The following LRRC66 variants were observed in gnomAD, a reference collection of about 807,000 sequenced individuals.
The protein encoded by LRRC66 is leucine-rich repeat-containing protein 66.
LRRC66 carries 29 observed loss-of-function variants against 24.6 expected under a neutral mutation model. That is an observed-to-expected ratio of 1.18 (90% CI 0.88 to 1.61). The LOEUF (loss-of-function observed/expected upper bound fraction) is 1.61. LRRC66 is among the 40% of genes most tolerant of loss of function. The pLI is 0.00. For missense variants in LRRC66, 1,124 were observed against 1,058.0 expected (o/e 1.06, Z -0.87); for synonymous variants, 411 against 397.6 (o/e 1.03, Z -0.40).
chr4:51,995,031 G>A lies in LRRC66; in HGVS notation c.1991C>T (p.Thr664Ile), dbSNP rs1184169957. ...SEVPYGDPRD[T>I]GPSVFPPRWD... ...TCTTGGAGGAAAGACTGATGGGCCTGTGTCTCTTGGGTCACCGTATGGAAC... is the reference window on the plus strand; with the variant it reads ...TCTTGGAGGAAAGACTGATGGGCCTATGTCTCTTGGGTCACCGTATGGAAC... Residue 664 changes from threonine to isoleucine, a missense_variant, in exon 5 of 5, where the codon ACA becomes ATA. Coordinates refer to ENST00000682860, the MANE Select transcript of LRRC66 (RefSeq NM_001024611.3). 6.2e-6 allele frequency: 10 copies of A among 1,614,088 alleles called. No individual in the cohort carries two copies. The highest frequency in any genetic ancestry group is 8.5e-6 in the Non-Finnish European group (10 of 1,180,030).
intron 2 of LRRC66, among the ~76,000 whole-genome samples, chr4:52,005,648 T>A (rs1736563531): frequency 6.6e-6 from 1 of 151,830 alleles, no homozygotes; most frequent in Admixed American, 6.6e-5. Context: ...AGAAGACTTT[T>A]TTTTTTTTTG....
In LRRC66 at chr4:51,995,140, A is replaced by T. The variant is rs1685345262; in HGVS notation, c.1882T>A (p.Ser628Thr). The T allele has an allele frequency of 6.2e-7, 1 of 1,614,124 alleles. No homozygotes were observed. The highest frequency in any genetic ancestry group is 1.3e-5 in the African/African-American group (1 of 74,938). The change falls in exon 5 of 5, where the codon TCA (serine) becomes ACA (threonine). Residue 628 changes from serine to threonine, a missense_variant. Transcript: ENST00000682860. ...TGTATGCTCAGCAAATCAATGGATG[A>T]ACTCACTTGCCTTTCCTTAGAAAAT... is the stretch of plus-strand genomic sequence containing the variant. ...MEFSKERQVS[S>T]SIDLLSIQQP...
At chr4:52,004,539 G>A (rs1238594849) in intron 2 of LRRC66, among the ~76,000 whole-genome samples, 1 of 152,176 alleles carries the variant, frequency 6.6e-6, no homozygotes, top group Non-Finnish European at 1.5e-5. Context: ...TGAGAAGGAG[G>A]TGCCAGTCAT....
At chr4:52,015,331 A>G (rs897456822) in intron 2 of LRRC66, among the ~76,000 whole-genome samples, 10 of 149,344 alleles carry the variant, frequency 6.7e-5, no homozygotes, top group African/African-American at 1.5e-4. Flanking sequence ...GGTTTTGAAG[A>G]AAAAAAAAAG....
chr4:52,008,998 C>A (rs916668734), intron 2 of LRRC66, among the ~76,000 whole-genome samples: 4 of 152,010 alleles, frequency 2.6e-5, no homozygotes, highest in Non-Finnish European at 5.9e-5. Context: ...AATGGGAGAA[C>A]ACCATTGTAA....
At position 51,993,972 on chromosome 4, in the gene LRRC66, G is replaced by A; in HGVS notation, c.*407C>T. On this transcript the variant is annotated 3_prime_UTR_variant, in exon 5 of 5. Transcript: ENST00000682860. ...ATTGCTCCAGGTCTGTATTTGAGAA[G>A]GAAAGTTAGAACCACTTCGTCTAAC... 1 of 163,574 alleles carries A rather than the reference G, an allele frequency of 6.1e-6. No homozygotes were observed. The highest frequency in any genetic ancestry group is 1.3e-5 in the Non-Finnish European group (1 of 75,548). 10.1% of individuals were successfully genotyped at this position (163,574 alleles called of 1,614,324 possible). A position where few individuals can be genotyped will look rare whatever the true frequency, so the allele number is the denominator to read the frequency against.
At chr4:52,004,217 C>A (rs1258396516) in intron 2 of LRRC66, among the ~76,000 whole-genome samples, 1 of 152,122 alleles carries the variant, frequency 6.6e-6, no homozygotes, top group Non-Finnish European at 1.5e-5. Context: ...CCATGTTGGT[C>A]AGGTTGGTCT....
intron 2 of LRRC66, among the ~76,000 whole-genome samples, chr4:52,014,861 A>G (rs1036019474): frequency 1.3e-5 from 2 of 152,226 alleles, no homozygotes; most frequent in Non-Finnish European, 2.9e-5. Context: ...TTCATTTGCT[A>G]GAATTTTAAT....
chr4:51,995,902 C>T lies in LRRC66; in HGVS notation c.1120G>A (p.Asp374Asn), dbSNP rs1736300833. ...AAGKKEDAPQDLALAVCLSVF... is the reference protein window; with the variant it reads ...AAGKKEDAPQNLALAVCLSVF... ...GACAGGCACACCGCCAGAGCCAGGT[C>T]CTGGGGAGCGTCCTCTTTTTTGCCG... Residue 374 changes from aspartate to asparagine, a missense_variant, in exon 5 of 5, where the codon GAC (aspartate) becomes AAC (asparagine). Transcript: ENST00000682860. The T allele has an allele frequency of 6.2e-7, 1 of 1,614,130 alleles. No homozygotes were observed. Among genetic ancestry groups the T allele is most frequent in the Non-Finnish European group, 8.5e-7 (1 of 1,180,032 alleles).
intron 2 of LRRC66, among the ~76,000 whole-genome samples, chr4:52,004,726 G>A (rs923308043): frequency 6.6e-6 from 1 of 152,132 alleles, no homozygotes; most frequent in East Asian, 1.9e-4. Flanking sequence ...GGTACTTATT[G>A]TAAGATTGAT....
At chr4:52,014,024 C>G (rs1270078964) in intron 2 of LRRC66, among the ~76,000 whole-genome samples, 6 of 152,132 alleles carry the variant, frequency 3.9e-5, no homozygotes, top group African/African-American at 1.2e-4. Flanking sequence ...GAGGGTGAGG[C>G]CTGCGGATCA....
chr4:52,003,915 CTAAA>C (rs1392818892), intron 2 of LRRC66, among the ~76,000 whole-genome samples: 3 of 152,226 alleles, frequency 2.0e-5, no homozygotes, highest in African/African-American at 4.8e-5. Context: ...TATAGTAAAA[CTAAA>C]TAATCTTGCT....
intron 2 of LRRC66, among the ~76,000 whole-genome samples, chr4:52,006,628 C>A (rs1266274667): frequency 2.0e-5 from 3 of 147,322 alleles, no homozygotes; most frequent in Non-Finnish European, 4.5e-5. Flanking sequence ...GTGCAGCGCA[C>A]CAGCATGGCA....
At position 52,017,429 on chromosome 4, in the gene LRRC66, GCTGT is replaced by G. The variant is rs1178595597; in HGVS notation, c.181_184del (p.Thr61GlnfsTer6). ...ATTGAAACTTACATCCACAGTGGCT[GCTGT>G]CTGTGATATGTCCACAGGTATATCA... On this transcript the variant is annotated frameshift_variant, in exon 2 of 5. Coordinates refer to ENST00000682860, the MANE Select transcript of LRRC66 (RefSeq NM_001024611.3). LOFTEE classifies it high-confidence loss of function. The G allele has an allele frequency of 3.1e-6, 5 of 1,614,026 alleles. No homozygotes were observed. Among genetic ancestry groups the G allele is most frequent in the East Asian group, 4.5e-5 (2 of 44,870 alleles).
At chr4:51,999,275 C>A (rs1736395521) in intron 3 of LRRC66, among the ~76,000 whole-genome samples, 1 of 152,104 alleles carries the variant, frequency 6.6e-6, no homozygotes, top group South Asian at 2.1e-4. Flanking sequence ...TTATAGACAC[C>A]CGTGAAAAAT....
chr4:52,007,322 G>A (rs1476107752), intron 2 of LRRC66, among the ~76,000 whole-genome samples: 5 of 152,080 alleles, frequency 3.3e-5, no homozygotes, highest in South Asian at 4.2e-4. Context: ...TGGACTACAG[G>A]TGTGTGCCAC....
rs1736842291 is a variant in LRRC66, at chr4:52,017,425, G to A, written c.189C>T (p.Ala63=). The A allele has an allele frequency of 6.2e-7, 1 of 1,614,092 alleles. No individual in the cohort carries two copies. The highest frequency in any genetic ancestry group is 1.3e-5 in the African/African-American group (1 of 75,042). Residue 63 remains alanine, a synonymous_variant, in exon 2 of 5, where the codon GCC becomes GCT. Coordinates refer to ENST00000682860, the MANE Select transcript of LRRC66 (RefSeq NM_001024611.3). ...DIPVDISQTA[A]TVDVSFNFFR... ...AGAAATTGAAACTTACATCCACAGT[G>A]GCTGCTGTCTGTGATATGTCCACAG...
chr4:52,010,075 G>A (rs1736666612), intron 2 of LRRC66, among the ~76,000 whole-genome samples: 1 of 152,108 alleles, frequency 6.6e-6, no homozygotes, highest in Non-Finnish European at 1.5e-5. Flanking sequence ...GATTAAAAAA[G>A]AAACCCATAT....
intron 2 of LRRC66, among the ~76,000 whole-genome samples, chr4:52,007,510 C>T (rs1311199479): frequency 6.0e-5 from 9 of 149,610 alleles, no homozygotes; most frequent in Admixed American, 4.6e-4. Context: ...TGATGTGAGC[C>T]GAAGAAAATC....
Sources: allele counts gnomAD v4.1 joint callset (sites outside exome capture counted in the v4.1 genomes callset), GRCh38; gene constraint gnomAD v4.1.1; transcripts MANE v1.5; gene names NCBI Gene and HGNC (gene_info 2026-07-23, HGNC 2026-07-21).